RP2: variants seen among roughly 807,000 people sequenced by gnomAD.
RP2 encodes protein XRP2.
In RP2, 3 loss-of-function variants were observed where a neutral mutation model predicts 20.3. That is an observed-to-expected ratio of 0.15 (90% CI 0.07 to 0.38). The LOEUF (loss-of-function observed/expected upper bound fraction) is 0.38. Among genes scored for constraint, RP2 ranks in the 10% least tolerant of loss-of-function variants. The pLI is 1.00. For missense variants in RP2, 233 were observed against 268.5 expected (o/e 0.87, Z 0.92); for synonymous variants, 75 against 94.8 (o/e 0.79, Z 1.22).
chrX:46,878,338 C>G (rs966239622), intron 4 of RP2, among the ~76,000 whole-genome samples: 77 of 103,746 alleles, frequency 7.4e-4, no homozygotes, highest in Non-Finnish European at 1.1e-3. Flanking sequence ...GATCCCGCCA[C>G]TGCACTCCAG....
chrX:46,852,106 G>A (rs782043435), intron 1 of RP2, among the ~76,000 whole-genome samples: 74 of 111,489 alleles, frequency 6.6e-4, no homozygotes, highest in South Asian at 1.1e-3. Flanking sequence ...TACTTGGGAG[G>A]CTGAGGCGGA....
intron 3 of RP2, among the ~76,000 whole-genome samples, chrX:46,862,016 A>G (rs1602350236): frequency 1.8e-5 from 2 of 112,185 alleles, no homozygotes; most frequent in East Asian, 5.6e-4. Flanking sequence ...ACCCCAATGT[A>G]ATAATTATTT....
At chrX:46,874,209 C>T (rs1302691897) in intron 3 of RP2, among the ~76,000 whole-genome samples, 1 of 111,611 alleles carries the variant, frequency 9.0e-6, no homozygotes, top group Non-Finnish European at 1.9e-5. Flanking sequence ...CAATATCAAT[C>T]AAGTTATATA....
rs193156840 is a variant in RP2 at position 46,860,391 on chromosome X, C to A, written c.883+289C>A. ...TTTTAATTGTTGTATTATTGTTGTA[C>A]CTTTATAGTGTAGTGATAAATATTT... is the stretch of plus-strand genomic sequence containing the variant. On this transcript the variant is annotated intron_variant, in intron 3 of 4. Transcript: ENST00000218340. Among the ~76,000 whole-genome samples, 451 of 110,663 alleles carry A rather than the reference C, an allele frequency of 4.1e-3. 1 individual carries two copies. The highest frequency in any genetic ancestry group is 0.019 in the South Asian group (51 of 2,616).
chrX:46,844,227 G>A (rs1487604487), intron 1 of RP2, among the ~76,000 whole-genome samples: 2 of 110,843 alleles, frequency 1.8e-5, no homozygotes, highest in Non-Finnish European at 3.8e-5. Flanking sequence ...TATGCACAAC[G>A]TGCAGGTTTG....
In RP2 at chrX:46,861,768, G is replaced by A. The variant is rs141041057; in HGVS notation, c.883+1666G>A. On this transcript the variant is annotated intron_variant, in intron 3 of 4. Coordinates refer to ENST00000218340, the MANE Select transcript of RP2 (RefSeq NM_006915.3). The stretch of plus-strand genomic sequence containing the variant: ...AGGTGGGAGGGTTGCTTGAGCCCAG[G>A]AGCTTGAGGCTGCAGTGAGTTATGC... Among the ~76,000 whole-genome samples, 1,045 of 111,471 alleles carry A rather than the reference G, an allele frequency of 9.4e-3. 15 individuals carry two copies. Among genetic ancestry groups the A allele is most frequent in the African/African-American group, 0.032 (986 of 30,693 alleles).
At chrX:46,847,772 GTGTGTACATACACACA>G (rs1924766067) in intron 1 of RP2, among the ~76,000 whole-genome samples, 1 of 79,732 alleles carries the variant, frequency 1.3e-5, no homozygotes, top group African/African-American at 6.0e-5. Context: ...ACACATGTGT[GTGTGTACATACACACA>G]TGTGTGTGTG....
rs181384640 is a variant in RP2, at chrX:46,873,636, T to C, written c.884-3869T>C. Among the ~76,000 whole-genome samples the C allele has an allele frequency of 3.6e-5, 4 of 111,683 alleles. No homozygotes were observed. The Admixed American group carries it at 3.8e-4, about 11-fold the overall frequency. ...GAATTGAGACATGAGAAAGCATTGG[T>C]TCAACACTAATGAATCTAAAGAATT... On this transcript the variant is annotated intron_variant, in intron 3 of 4. Coordinates refer to ENST00000218340, the MANE Select transcript of RP2 (RefSeq NM_006915.3).
At chrX:46,871,966 G>A (rs530629695) in intron 3 of RP2, among the ~76,000 whole-genome samples, 2 of 111,542 alleles carry the variant, frequency 1.8e-5, no homozygotes, top group South Asian at 7.5e-4. Flanking sequence ...TAAGAGAGGG[G>A]TTCTTGCTCT....
intron 3 of RP2, among the ~76,000 whole-genome samples, chrX:46,868,507 G>A (rs782437836): frequency 4.5e-5 from 5 of 110,070 alleles, no homozygotes; most frequent in East Asian, 5.7e-4. Flanking sequence ...GATGTAGGCC[G>A]GGCGCAGTGG....
chrX:46,851,541 C>G (rs1924859077), intron 1 of RP2, among the ~76,000 whole-genome samples: 1 of 110,519 alleles, frequency 9.0e-6, no homozygotes, highest in Non-Finnish European at 1.9e-5. Flanking sequence ...GAGGCTGAGG[C>G]AGGAGAATCA....
intron 1 of RP2, among the ~76,000 whole-genome samples, chrX:46,841,365 A>T (rs1022072732): frequency 8.9e-6 from 1 of 112,306 alleles, no homozygotes; most frequent in African/African-American, 3.2e-5. Context: ...CCTAAAACTT[A>T]ATGGTTTAAA....
At chrX:46,874,957 C>T (rs1282972184) in intron 3 of RP2, among the ~76,000 whole-genome samples, 3 of 111,083 alleles carry the variant, frequency 2.7e-5, no homozygotes, top group Non-Finnish European at 5.7e-5. Flanking sequence ...TTGTTTAATT[C>T]GTTCCTCCAT....
chrX:46,844,078 A>C (rs1556315524), intron 1 of RP2, among the ~76,000 whole-genome samples: 1 of 112,336 alleles, frequency 8.9e-6, no homozygotes, highest in Non-Finnish European at 1.9e-5. Flanking sequence ...TACATAGGAT[A>C]TGAGTTGAAT....
rs139139443 is a variant in RP2 at position 46,857,597 on chromosome X, G to A, written c.769-2391G>A. On this transcript the variant is annotated intron_variant, in intron 2 of 4. Coordinates refer to ENST00000218340, the MANE Select transcript of RP2 (RefSeq NM_006915.3). The stretch of plus-strand genomic sequence containing the variant: ...CAATAAAAATTGTTTTTCTTTCCTC[G>A]ACTTCTCTTACCTACATCACAGATA... 1.3e-3 allele frequency among the ~76,000 whole-genome samples: 148 copies of A among 111,542 alleles called. 3 individuals are homozygous for A. In the East Asian group the frequency reaches 0.027, roughly 20 times the overall value.
At chrX:46,859,346 A>G (rs1925023758) in intron 2 of RP2, among the ~76,000 whole-genome samples, 1 of 109,656 alleles carries the variant, frequency 9.1e-6, no homozygotes, top group African/African-American at 3.3e-5. Context: ...TTAGCCAGGC[A>G]TGGTGGCACG....
intron 1 of RP2, among the ~76,000 whole-genome samples, chrX:46,846,424 C>T (rs1377744136): frequency 9.1e-6 from 1 of 109,488 alleles, no homozygotes; most frequent in East Asian, 2.9e-4. Flanking sequence ...CCCACCTCTA[C>T]AAAATGGATA....
chrX:46,868,785 C>CA (rs142957575), intron 3 of RP2, among the ~76,000 whole-genome samples: 985 of 43,354 alleles, frequency 0.023, 14 homozygotes, highest in African/African-American at 0.045. Context: ...TACTCCATCT[C>CA]AAAAAAAAAA....
intron 1 of RP2, among the ~76,000 whole-genome samples, chrX:46,847,804 A>G (rs1045750167): frequency 2.5e-4 from 25 of 98,736 alleles, no homozygotes; most frequent in African/African-American, 8.5e-4. Context: ...GTGTGTATAT[A>G]TATACACACA....
Sources: allele counts gnomAD v4.1 joint callset (sites outside exome capture counted in the v4.1 genomes callset), GRCh38; gene constraint gnomAD v4.1.1; transcripts MANE v1.5; gene names NCBI Gene and HGNC (gene_info 2026-07-23, HGNC 2026-07-21).